The following LOXL4 variants were observed in gnomAD, a reference collection of about 807,000 sequenced individuals.
The protein encoded by LOXL4 is lysyl oxidase like 4, also known as lysyl oxidase homolog 4.
A neutral mutation model predicts 89.1 loss-of-function variants in LOXL4; 72 were observed. The ratio of observed to expected loss-of-function variants is 0.81; its 90% confidence interval spans 0.67 to 0.98. The LOEUF (loss-of-function observed/expected upper bound fraction) is 0.98. Ranked by LOEUF, LOXL4 falls within the 50% of genes least tolerant of loss-of-function variation. The probability of loss-of-function intolerance (pLI) is 0.00; values close to 1 mark genes in which losing one functional copy is unlikely to be tolerated. For missense variants in LOXL4, 984 were observed against 1,017.5 expected (o/e 0.97, Z 0.45); for synonymous variants, 355 against 392.1 (o/e 0.91, Z 1.12).
intron 9 of LOXL4, chr10:98,256,526 T>A: frequency 1.9e-6 from 1 of 533,812 alleles, no homozygotes; most frequent in Non-Finnish European, 3.3e-6. Flanking sequence ...TATTCATTCC[T>A]CCTCCACCTT....
At chr10:98,261,992 AC>A in intron 3 of LOXL4, 42 bp downstream of exon 3, 1 of 1,547,966 alleles carries the variant, frequency 6.5e-7, no homozygotes. Flanking sequence ...CTGTTCTCTG[AC>A]CCAGCCCTTG....
At chr10:98,264,964 C>T (rs1373772071) in intron 1 of LOXL4, among the ~76,000 whole-genome samples, 1 of 152,240 alleles carries the variant, frequency 6.6e-6, no homozygotes, top group African/African-American at 2.4e-5. Context: ...GCCCTACTCC[C>T]TCTCAACGGC....
At chr10:98,258,960 C>T (rs1476604385) in intron 6 of LOXL4, 49 bp downstream of exon 6, 11 of 1,435,110 alleles carry the variant, frequency 7.7e-6, no homozygotes, top group East Asian at 5.0e-5. Context: ...GGCAGTGTCC[C>T]GCCCGTGCCT....
At chr10:98,266,448 C>T (rs1858691129) in intron 1 of LOXL4, among the ~76,000 whole-genome samples, 3 of 152,178 alleles carry the variant, frequency 2.0e-5, no homozygotes, top group Admixed American at 2.0e-4. Context: ...CCCTGACACA[C>T]TGAGGAGGTC....
intron 11 of LOXL4, 62 bp downstream of exon 11, chr10:98,253,491 G>C: frequency 6.2e-7 from 1 of 1,607,092 alleles, no homozygotes; most frequent in Non-Finnish European, 8.5e-7. Flanking sequence ...GGGCCAAACT[G>C]CTCCCTGGAC....
chr10:98,251,557 C>T lies in LOXL4; in HGVS notation c.2088+9G>A. On this transcript the variant is annotated intron_variant, in intron 13 of 14. Coordinates refer to ENST00000260702, the MANE Select transcript of LOXL4 (RefSeq NM_032211.7). ...TCAGGCTCTGTGGGGAATCCCCCAG[C>T]CGCCTTACCTGGAAGATATAATTCC... The T allele has an allele frequency of 1.2e-6, 2 of 1,613,558 alleles. No homozygotes were observed. Among genetic ancestry groups the T allele is most frequent in the South Asian group, 2.2e-5 (2 of 90,974 alleles).
rs764963141 is a variant in LOXL4 at position 98,256,836 on chromosome 10, C to T, written c.1372G>A (p.Glu458Lys). ...AGCTGTCGGCAGGCCACCATGGCTT[C>T]GGTGAGCCCCCAGTTTTCACTGCAC... Reference protein sequence around the residue: ...SVCSENWGLTEAMVACRQLGL... With the variant: ...SVCSENWGLTKAMVACRQLGL... Residue 458 changes from glutamate (E) to lysine (K), a missense_variant, in exon 9 of 15, where the codon GAA (glutamate) becomes AAA (lysine). Glu to Lys is a moderately conservative substitution (Grantham distance 56, BLOSUM62 1). Coordinates refer to ENST00000260702, the MANE Select transcript of LOXL4 (RefSeq NM_032211.7). 29 of 1,614,178 alleles carry T rather than the reference C, an allele frequency of 1.8e-5. No individual in the cohort carries two copies. The Middle Eastern group carries it at 4.9e-4, about 28-fold the overall frequency.
rs1417120952 is a variant in LOXL4 at position 98,259,244 on chromosome 10, G to A, written c.702-16C>T. The A allele has an allele frequency of 3.1e-6, 5 of 1,605,760 alleles. No homozygotes were observed. In the East Asian group the frequency reaches 8.9e-5, roughly 29 times the overall value. ...GCTCTTCAGCCTAGAGGACAAGGGA[G>A]ACTGAGGGTGGAGGAAGGGCTGAGG... On this transcript the variant is annotated splice_polypyrimidine_tract_variant and intron_variant, in intron 5 of 14. Coordinates refer to ENST00000260702, the MANE Select transcript of LOXL4 (RefSeq NM_032211.7).
chr10:98,251,284 A>G, intron 13 of LOXL4, 108 bp from the exon 14 acceptor site: 1 of 927,252 alleles, frequency 1.1e-6, no homozygotes, highest in South Asian at 1.5e-5. Flanking sequence ...ATTAATTCTT[A>G]ACAATTACCC....
chr10:98,251,313 T>C lies in LOXL4; in HGVS notation c.2089-137A>G. 3 of 813,594 alleles carry C rather than the reference T, an allele frequency of 3.7e-6. No homozygotes were observed. In the Admixed American group the frequency reaches 6.5e-5, roughly 18 times the overall value. 50.4% of individuals were successfully genotyped at this position (813,594 alleles called of 1,614,324 possible). On this transcript the variant is annotated intron_variant, in intron 13 of 14. Coordinates refer to ENST00000260702, the MANE Select transcript of LOXL4 (RefSeq NM_032211.7). ...ATTACCCAGGAGGTAGGTACTGATGTTCCCATTTTACAGATAGGGACTGAG... is the reference window on the plus strand; with the variant it reads ...ATTACCCAGGAGGTAGGTACTGATGCTCCCATTTTACAGATAGGGACTGAG...
At position 98,257,644 on chromosome 10, in the gene LOXL4, A is replaced by T. The variant is rs755251729; in HGVS notation, c.1260+6T>A. The T allele has an allele frequency of 6.2e-7, 1 of 1,612,304 alleles. No homozygotes were observed. Among genetic ancestry groups the T allele is most frequent in the South Asian group, 1.1e-5 (1 of 90,804 alleles). ...AGCCTGAGGCCATGCTCAGACCCAA[A>T]CTCACCTGATTCTGAAAGCCCATGT... On this transcript the variant is annotated splice_donor_region_variant and intron_variant, in intron 8 of 14. Transcript: ENST00000260702.
At chr10:98,267,158 A>G (rs1262986094) in intron 1 of LOXL4, among the ~76,000 whole-genome samples, 2 of 152,178 alleles carry the variant, frequency 1.3e-5, no homozygotes, top group African/African-American at 4.8e-5. Flanking sequence ...TTCAAACCCA[A>G]GCAGCCTGGC....
In LOXL4 at chr10:98,255,702, T is replaced by G. The variant is rs765842043; in HGVS notation, c.1466A>C (p.Glu489Ala). ...WFWSGTPRAQ[E>A]VVMSGVRCSG... is the part of the protein sequence containing the mutation. Reference sequence around the variant, plus strand: ...GCAGCGCACCCCACTCATCACCACCTCCTGGGCCCTTGGCGTCCCCGACCA... The same window carrying G: ...GCAGCGCACCCCACTCATCACCACCGCCTGGGCCCTTGGCGTCCCCGACCA... The change falls in exon 10 of 15, where the codon GAG becomes GCG. Residue 489 changes from glutamate to alanine, a missense_variant. Coordinates refer to ENST00000260702, the MANE Select transcript of LOXL4 (RefSeq NM_032211.7). The G allele has an allele frequency of 1.2e-6, 2 of 1,612,834 alleles. No homozygotes were observed. The highest frequency in any genetic ancestry group is 4.5e-5 in the East Asian group (2 of 44,842).
chr10:98,251,620 A>C lies in LOXL4; in HGVS notation c.2034T>G (p.Ile678Met). 1.2e-6 allele frequency: 2 copies of C among 1,614,232 alleles called. No individual in the cohort carries two copies. The highest frequency in any genetic ancestry group is 1.7e-6 in the Non-Finnish European group (2 of 1,180,042). Residue 678 changes from isoleucine to methionine, a missense_variant, in exon 13 of 15, where the codon ATT becomes ATG. Ile to Met is a conservative substitution (Grantham distance 10). Transcript: ENST00000260702. ...VGCWDTYRHD[I>M]DCQWVDITDV... The stretch of plus-strand genomic sequence containing the variant: ...CTGTGATATCCACCCACTGGCAATC[A>C]ATGTCATGCCGGTAGGTGTCCCAGC...
Position 98,248,973 on chromosome 10 carries a change from T to A in LOXL4, c.2219A>T (p.Asn740Ile), listed in dbSNP as rs1428148891. 1.9e-6 allele frequency: 3 copies of A among 1,613,846 alleles called. No individual in the cohort carries two copies. The highest frequency in any genetic ancestry group is 2.5e-6 in the Non-Finnish European group (3 of 1,179,964). ...NCHTGNSYPANAELSLEQEQR... is the reference protein window; with the variant it reads ...NCHTGNSYPAIAELSLEQEQR... ...TTCCTGCTCCAGGGAGAGTTCTGCATTGGCTGGGTATGAATTCCCTGTGGG... is the reference window on the plus strand; with the variant it reads ...TTCCTGCTCCAGGGAGAGTTCTGCAATGGCTGGGTATGAATTCCCTGTGGG... The change falls in exon 15 of 15, where the codon AAT (asparagine) becomes ATT (isoleucine). Residue 740 changes from asparagine to isoleucine, a missense_variant. Transcript: ENST00000260702.
At chr10:98,267,032 G>T (rs1165661571) in intron 1 of LOXL4, among the ~76,000 whole-genome samples, 4 of 152,138 alleles carry the variant, frequency 2.6e-5, no homozygotes, top group Non-Finnish European at 5.9e-5. Context: ...GGAAAGAGGA[G>T]GGGAGGGAAG....
In LOXL4 at chr10:98,251,068, TGTG is replaced by T; in HGVS notation, c.2194_2196del (p.His732del). 1.2e-6 allele frequency: 2 copies of T among 1,613,102 alleles called. No homozygotes were observed. The highest frequency in any genetic ancestry group is 1.7e-6 in the Non-Finnish European group (2 of 1,179,116). On this transcript the variant is annotated inframe_deletion, in exon 14 of 15. Coordinates refer to ENST00000260702, the MANE Select transcript of LOXL4 (RefSeq NM_032211.7). Reference sequence around the variant, plus strand: ...TTCCACAGTGGCTCGGAGTTACCTGTGTGGCAGTTGTGCAGCCAGACCCGGTGC... The same window carrying T: ...TTCCACAGTGGCTCGGAGTTACCTGTGCAGTTGTGCAGCCAGACCCGGTGC...
At chr10:98,260,870 C>T in intron 4 of LOXL4, 52 bp downstream of exon 4, 3 of 1,540,974 alleles carry the variant, frequency 1.9e-6, no homozygotes, top group Non-Finnish European at 2.6e-6. Context: ...CACACTCAGT[C>T]CCTGCCCCAC....
Position 98,265,700 on chromosome 10 carries a change from A to C in LOXL4, c.-33+2432T>G, listed in dbSNP as rs923156580. On this transcript the variant is annotated intron_variant, in intron 1 of 14. Coordinates refer to ENST00000260702, the MANE Select transcript of LOXL4 (RefSeq NM_032211.7). ...AGCGTGAGCCACTACATCGGCCAAC[A>C]ATGAACTATTATTAACAGCTACTGT... Among the ~76,000 whole-genome samples the C allele has an allele frequency of 2.0e-5, 3 of 152,110 alleles. 1 individual carries two copies. The highest frequency in any genetic ancestry group is 4.4e-5 in the Non-Finnish European group (3 of 68,024).
Sources: gnomAD v4.1 joint callset for allele counts (sites outside exome capture counted in the v4.1 genomes callset) on GRCh38, gnomAD v4.1.1 for gene constraint, MANE v1.5 for transcripts, NCBI Gene and HGNC (gene_info 2026-07-23, HGNC 2026-07-21) for gene names.